SERPINE3: variants seen among roughly 807,000 people sequenced by gnomAD.
SERPINE3 encodes the protein serpin E3.
A neutral mutation model predicts 41.7 loss-of-function variants in SERPINE3; 43 were observed. The ratio of observed to expected loss-of-function variants is 1.03; its 90% CI spans 0.81 to 1.33. The LOEUF (loss-of-function observed/expected upper bound fraction) is 1.33. Ranked by LOEUF, SERPINE3 falls within the 40% of genes most tolerant of loss-of-function variation. The pLI is 0.00. For synonymous variants in SERPINE3, 200 were observed against 192.2 expected (o/e 1.04, Z -0.34); for missense variants, 440 against 491.7 (o/e 0.89, Z 0.99).
chr13:51,354,944 G>A (rs1955456808), intron 6 of SERPINE3, 99 bp from the exon 7 acceptor site: 1 of 656,834 alleles, frequency 1.5e-6, no homozygotes, highest in African/African-American at 1.8e-5. Flanking sequence ...GGTGGAGCCA[G>A]CCTGACTTCC....
intron 6 of SERPINE3, among the ~76,000 whole-genome samples, chr13:51,351,233 T>G (rs952965951): frequency 7.2e-5 from 11 of 152,176 alleles, no homozygotes; most frequent in Non-Finnish European, 1.3e-4. Flanking sequence ...CAAACTGTTT[T>G]CCAAGTCACT....
intron 7 of SERPINE3, among the ~76,000 whole-genome samples, chr13:51,355,758 T>C (rs960941524): frequency 6.6e-6 from 1 of 152,162 alleles, no homozygotes; most frequent in African/African-American, 2.4e-5. Flanking sequence ...ATATCAAATA[T>C]AAACAGGGAG....
intron 9 of SERPINE3, chr13:51,362,123 T>A: frequency 7.2e-7 from 1 of 1,388,418 alleles, no homozygotes; most frequent in Non-Finnish European, 9.4e-7. Flanking sequence ...TCAGCTCATA[T>A]ATAGTTAATG....
intron 3 of SERPINE3, among the ~76,000 whole-genome samples, chr13:51,343,736 GC>G (rs2137766446): frequency 6.6e-6 from 1 of 152,260 alleles, no homozygotes; most frequent in East Asian, 1.9e-4. Context: ...TGTTACTCAG[GC>G]TCATGACACG....
intron 4 of SERPINE3, among the ~76,000 whole-genome samples, chr13:51,345,811 G>A (rs954255321): frequency 9.2e-5 from 14 of 152,186 alleles, no homozygotes; most frequent in African/African-American, 2.4e-4. Flanking sequence ...CTGCCAGGGC[G>A]TAAGGCCAGA....
Position 51,344,298 on chromosome 13 carries a change from C to T in SERPINE3, c.303C>T (p.Pro101=), listed in dbSNP as rs1489739000. ...DFLHAVYATL[P]TSSQGTEMEL... is the part of the protein sequence containing the mutation. Reference sequence around the variant, plus strand: ...TGCATGCTGTTTATGCCACACTACCCACCTCCAGCCAAGGCACCGAGATGG... The same window carrying T: ...TGCATGCTGTTTATGCCACACTACCTACCTCCAGCCAAGGCACCGAGATGG... The change falls in exon 4 of 10, where the codon CCC becomes CCT. Residue 101 remains proline, a synonymous_variant. Coordinates refer to ENST00000681248, the MANE Select transcript of SERPINE3 (RefSeq NM_001386375.1). 1 of 1,613,952 alleles carries T rather than the reference C, an allele frequency of 6.2e-7. No individual in the cohort carries two copies. The highest frequency in any genetic ancestry group is 1.1e-5 in the South Asian group (1 of 91,068).
At chr13:51,349,270 T>A (rs1333023989) in intron 6 of SERPINE3, among the ~76,000 whole-genome samples, 1 of 151,954 alleles carries the variant, frequency 6.6e-6, no homozygotes, top group Non-Finnish European at 1.5e-5. Flanking sequence ...TAAAAGTAAA[T>A]CTATGCACTA....
chr13:51,361,959 T>C (rs757690305), intron 9 of SERPINE3, 66 bp downstream of exon 9: 6 of 1,611,542 alleles, frequency 3.7e-6, no homozygotes, highest in Non-Finnish European at 5.1e-6. Flanking sequence ...CAAGGGCTCA[T>C]TTGTCCACTA....
At chr13:51,357,914 T>C (rs928827994) in intron 7 of SERPINE3, among the ~76,000 whole-genome samples, 1 of 152,146 alleles carries the variant, frequency 6.6e-6, no homozygotes, top group Non-Finnish European at 1.5e-5. Flanking sequence ...CTCTGCTCGG[T>C]AAGAAGTACA....
At chr13:51,345,954 A>AT (rs1427107411) in intron 4 of SERPINE3, among the ~76,000 whole-genome samples, 1 of 152,284 alleles carries the variant, frequency 6.6e-6, no homozygotes, top group Admixed American at 6.5e-5. Flanking sequence ...CTAGGGTTCT[A>AT]TTTCAATGCA....
chr13:51,364,561 A>T lies in SERPINE3; in HGVS notation c.*279A>T. ...ATGAATGGTGAGTGAGTCAGGCCAT[A>T]AGATTGCTTCCTCAGTACGGATACT... is the stretch of plus-strand genomic sequence containing the variant. On this transcript the variant is annotated 3_prime_UTR_variant, in exon 10 of 10. Transcript: ENST00000681248. 1 of 308,406 alleles carries T rather than the reference A, an allele frequency of 3.2e-6. No individual in the cohort carries two copies. The highest frequency in any genetic ancestry group is 5.9e-6 in the Non-Finnish European group (1 of 169,586). 19.1% of individuals were successfully genotyped at this position (308,406 alleles called of 1,614,324 possible).
chr13:51,352,889 T>A (rs1955420855), intron 6 of SERPINE3, among the ~76,000 whole-genome samples: 1 of 152,230 alleles, frequency 6.6e-6, no homozygotes, highest in South Asian at 2.1e-4. Context: ...ATTCTATTAA[T>A]ATGGTATATT....
In SERPINE3 at chr13:51,347,021, G is replaced by A. The variant is rs773344716; in HGVS notation, c.491-4G>A. ...CCATGGCCACCTTGCTTTCCTGCTT[G>A]CAGGTGGGGGCCCCAGTGAGGGCCC... On this transcript the variant is annotated splice_polypyrimidine_tract_variant and splice_region_variant and intron_variant, in intron 4 of 9. Coordinates refer to ENST00000681248, the MANE Select transcript of SERPINE3 (RefSeq NM_001386375.1). 3.2e-6 allele frequency: 5 copies of A among 1,570,210 alleles called. No individual in the cohort carries two copies. The East Asian group carries it at 9.4e-5, about 30-fold the overall frequency.
intron 9 of SERPINE3, chr13:51,363,428 CTTCA>C (rs1955622228): frequency 6.6e-6 from 1 of 151,782 alleles, no homozygotes. Flanking sequence ...GAGTCTCAGC[CTTCA>C]TTATTTCCAA....
intron 4 of SERPINE3, among the ~76,000 whole-genome samples, chr13:51,346,148 G>A (rs1236661430): frequency 3.3e-5 from 5 of 152,218 alleles, no homozygotes; most frequent in Non-Finnish European, 5.9e-5. Flanking sequence ...CAAAGTGTGT[G>A]CATATTAAAC....
chr13:51,341,301 G>A lies in SERPINE3; in HGVS notation c.210G>A (p.Gly70=), dbSNP rs754343407. ...AGATCCTGCAGTTTGGAGCAGAAGG[G>A]AGCACTGGTCAGCAGCTGGCAGATG... The part of the protein sequence containing the change: ...PLEILQFGAE[G]STGQQLADAL... The change falls in exon 3 of 10, where the codon GGG becomes GGA. Residue 70 remains glycine, a synonymous_variant. Coordinates refer to ENST00000681248, the MANE Select transcript of SERPINE3 (RefSeq NM_001386375.1). 127 of 1,612,974 alleles carry A rather than the reference G, an allele frequency of 7.9e-5. No homozygotes were observed. Among genetic ancestry groups the A allele is most frequent in the Non-Finnish European group, 1.0e-4 (122 of 1,179,438 alleles).
At chr13:51,348,540 C>T (rs780528907) in intron 6 of SERPINE3, 129 bp downstream of exon 6, 30 of 695,226 alleles carry the variant, frequency 4.3e-5, no homozygotes, top group African/African-American at 7.2e-5. Flanking sequence ...TATGTATCCC[C>T]AGAAGTTAGA....
intron 4 of SERPINE3, among the ~76,000 whole-genome samples, chr13:51,345,591 T>G (rs1490281251): frequency 5.7e-5 from 2 of 34,928 alleles, no homozygotes; most frequent in Non-Finnish European, 1.1e-4. Flanking sequence ...AGATTTCATC[T>G]CAAAAAAAAA....
At position 51,361,374 on chromosome 13, in the gene SERPINE3, G is replaced by A. The variant is rs1267392280; in HGVS notation, c.1087+10G>A. ...GCATCTGGAGCCACAGGTATGTTCAGAGAATACCCAGTCACACTGCTTACC... is the reference window on the plus strand; with the variant it reads ...GCATCTGGAGCCACAGGTATGTTCAAAGAATACCCAGTCACACTGCTTACC... On this transcript the variant is annotated intron_variant, in intron 8 of 9. Coordinates refer to ENST00000681248, the MANE Select transcript of SERPINE3 (RefSeq NM_001386375.1). The A allele has an allele frequency of 6.4e-7, 1 of 1,556,668 alleles. No individual in the cohort carries two copies. The highest frequency in any genetic ancestry group is 1.1e-5 in the South Asian group (1 of 88,582).
Sources: gnomAD v4.1 joint callset for allele counts (sites outside exome capture counted in the v4.1 genomes callset) on GRCh38, gnomAD v4.1.1 for gene constraint, MANE v1.5 for transcripts, NCBI Gene and HGNC (gene_info 2026-07-23, HGNC 2026-07-21) for gene names.